The following GPHN variants were observed in gnomAD, a reference collection of about 807,000 sequenced individuals.
GPHN encodes gephyrin.
Under a neutral mutation model 95.5 loss-of-function variants are expected in GPHN, and 17 were observed. The ratio of observed to expected loss-of-function variants is 0.18; its 90% confidence interval spans 0.12 to 0.27. The LOEUF is 0.27. Among genes scored for constraint, GPHN ranks in the 10% least tolerant of loss-of-function variants. The pLI, the probability that GPHN is intolerant of heterozygous loss-of-function variation, is 1.00. For missense variants in GPHN, 660 were observed against 978.1 expected (o/e 0.67, Z 4.34); for synonymous variants, 320 against 322.5 (o/e 0.99, Z 0.08).
At chr14:66,741,406 C>T (rs2072781430) in intron 2 of GPHN, among the ~76,000 whole-genome samples, 1 of 151,994 alleles carries the variant, frequency 6.6e-6, no homozygotes, top group South Asian at 2.1e-4. Context: ...AGATTTAGAG[C>T]ATAGTAGAGG....
rs191389951 is a variant in GPHN at position 66,879,865 on chromosome 14, G to T, written c.295-74G>T. ...AAGCCTGGTTTATAATCATTTTTAA[G>T]TGGGTTTTACTAGTCTGACTTCATT... is the stretch of plus-strand genomic sequence containing the variant. On this transcript the variant is annotated intron_variant, in intron 4 of 22. Coordinates refer to ENST00000478722, the MANE Select transcript of GPHN (RefSeq NM_020806.5). 48 of 897,990 alleles carry T rather than the reference G, an allele frequency of 5.3e-5. No individual in the cohort carries two copies. The African/African-American group carries it at 6.7e-4, about 13-fold the overall frequency. 55.6% of individuals were successfully genotyped at this position (897,990 alleles called of 1,614,324 possible).
chr14:66,679,735 T>A (rs2066829693), intron 1 of GPHN, among the ~76,000 whole-genome samples: 1 of 152,224 alleles, frequency 6.6e-6, no homozygotes, highest in African/African-American at 2.4e-5. Context: ...ACCCACCAAC[T>A]GCTTAATTGC....
the GPHN span, among the ~76,000 whole-genome samples, chr14:67,375,646 G>T: frequency 8.5e-5 from 13 of 152,188 alleles, no homozygotes; most frequent in Admixed American, 8.5e-4. Context: ...TTGTTTTACT[G>T]ATGTATTTAC....
At chr14:67,520,260 A>G in the GPHN span, among the ~76,000 whole-genome samples, 50 of 152,304 alleles carry the variant, frequency 3.3e-4, no homozygotes, top group Non-Finnish European at 6.6e-4. Context: ...GGATGAATGT[A>G]TATTGACATG....
chr14:67,075,444 CTG>C (rs139983563), intron 11 of GPHN, among the ~76,000 whole-genome samples: 271 of 152,246 alleles, frequency 1.8e-3, no homozygotes, highest in African/African-American at 6.3e-3. Context: ...AACATCCCCT[CTG>C]TAGTCCATAG....
chr14:66,910,642 A>G (rs539139315), intron 5 of GPHN, among the ~76,000 whole-genome samples: 1 of 152,136 alleles, frequency 6.6e-6, no homozygotes, highest in South Asian at 2.1e-4. Flanking sequence ...ACATATGTAT[A>G]TATATGTCTC....
intron 3 of GPHN, among the ~76,000 whole-genome samples, chr14:66,793,050 TC>T (rs2060029993): frequency 6.6e-6 from 1 of 152,262 alleles, no homozygotes; most frequent in African/African-American, 2.4e-5. Flanking sequence ...GGCCAGGTGT[TC>T]CTTGCCCTCA....
intron 17 of GPHN, among the ~76,000 whole-genome samples, chr14:67,123,781 T>C (rs549027060): frequency 6.6e-6 from 1 of 152,296 alleles, no homozygotes; most frequent in East Asian, 1.9e-4. Flanking sequence ...TCATAAACTT[T>C]CTTAAAACAT....
chr14:67,585,651 T>A, the GPHN span: 4 of 1,558,968 alleles, frequency 2.6e-6, no homozygotes, highest in Non-Finnish European at 3.5e-6. Flanking sequence ...ACCACAACAC[T>A]ATGGTATGAA....
At chr14:67,393,201 G>A in the GPHN span, 12 of 1,613,984 alleles carry the variant, frequency 7.4e-6, no homozygotes, top group African/African-American at 4.0e-5. Context: ...GGGCTTGAAC[G>A]GATTCCGGTG....
At chr14:67,364,377 G>A in the GPHN span, 1 of 162,154 alleles carries the variant, frequency 6.2e-6, no homozygotes, top group East Asian at 1.8e-4. Flanking sequence ...TCGGCAAAGA[G>A]TAGCTTTAGT....
At chr14:67,326,220 G>GTTTTTT in the GPHN span, among the ~76,000 whole-genome samples, 1 of 30,344 alleles carries the variant, frequency 3.3e-5, no homozygotes, top group Non-Finnish European at 6.5e-5. Flanking sequence ...ATTTAGGTCT[G>GTTTTTT]ATTTTTTTTT....
At chr14:67,678,573 T>G in the GPHN span, 5 of 575,762 alleles carry the variant, frequency 8.7e-6, no homozygotes, top group Non-Finnish European at 6.2e-6. Context: ...CTCTTCATTC[T>G]CCAGTCCTTA....
the GPHN span, among the ~76,000 whole-genome samples, chr14:67,489,584 T>C: frequency 6.6e-6 from 1 of 152,130 alleles, no homozygotes; most frequent in Admixed American, 6.6e-5. Context: ...CAGACCCTGC[T>C]CCCTCCTCAC....
At chr14:66,802,740 G>C (rs1372235351) in intron 3 of GPHN, among the ~76,000 whole-genome samples, 1 of 152,142 alleles carries the variant, frequency 6.6e-6, no homozygotes, top group Non-Finnish European at 1.5e-5. Context: ...GGTGTATCTA[G>C]AAGTGTCCAG....
chr14:67,432,293 A>G, the GPHN span, among the ~76,000 whole-genome samples: 1 of 152,244 alleles, frequency 6.6e-6, no homozygotes. Flanking sequence ...CAGGACCAAG[A>G]TTTAGACCCT....
chr14:66,949,993 GAAAAAAAAAAAA>G (rs71129809), intron 8 of GPHN, among the ~76,000 whole-genome samples: 22 of 57,818 alleles, frequency 3.8e-4, no homozygotes, highest in Middle Eastern at 0.011. Flanking sequence ...TTTAGGACAG[GAAAAAAAAAAAA>G]AAAAAAAAAA....
chr14:66,652,045 C>T (rs1040418992), intron 1 of GPHN, among the ~76,000 whole-genome samples: 1 of 152,030 alleles, frequency 6.6e-6, no homozygotes, highest in Non-Finnish European at 1.5e-5. Context: ...TAGTCCCTGG[C>T]GCCAAAAAGG....
chr14:67,329,319 A>G, the GPHN span, among the ~76,000 whole-genome samples: 1 of 152,180 alleles, frequency 6.6e-6, no homozygotes, highest in Non-Finnish European at 1.5e-5. Flanking sequence ...ATTTCTGCAC[A>G]TTGATTTTGT....
Sources: gnomAD v4.1 joint callset for allele counts (sites outside exome capture counted in the v4.1 genomes callset) on GRCh38, gnomAD v4.1.1 for gene constraint, MANE v1.5 for transcripts, NCBI Gene and HGNC (gene_info 2026-07-23, HGNC 2026-07-21) for gene names.